Variants in NIN observed in about 807,000 individuals in gnomAD.
NIN encodes ninein, also known as glycogen synthase kinase 3 beta-interacting protein.
In NIN, 137 loss-of-function variants were observed where a neutral mutation model predicts 257.6. That is an observed-to-expected ratio of 0.53 (90% CI 0.46 to 0.61). The LOEUF is 0.61. Among genes scored for constraint, NIN ranks in the 20% least tolerant of loss-of-function variants. The pLI, the probability that NIN is intolerant of heterozygous loss-of-function variation, is 0.00. For missense variants in NIN, 2,439 were observed against 2,501.2 expected, an observed-to-expected ratio of 0.98 and a Z score of 0.53; for synonymous variants, 918 against 919.8, an observed-to-expected ratio of 1.00 and a Z score of 0.04.
At chr14:50,735,396 G>GGC in intron 28 of NIN, 120 bp downstream of exon 28, 1 of 1,360,658 alleles carries the variant, frequency 7.3e-7, no homozygotes, top group Admixed American at 2.8e-5. Flanking sequence ...AATTCAACTT[G>GGC]GCAGTGTACT....
rs749603359 is a variant in NIN at position 50,738,152 on chromosome 14, A to G, written c.5763T>C (p.Pro1921=). 190 of 1,613,964 alleles carry G rather than the reference A, an allele frequency of 1.2e-4. No individual in the cohort carries two copies. Among genetic ancestry groups the G allele is most frequent in the Non-Finnish European group, 1.6e-4 (188 of 1,179,994 alleles). ...CTCAAAAACTCACCTTCCTGTTAGCAGGAGATTGTTCTTTCTGAAACTGAT... is the reference window on the plus strand; with the variant it reads ...CTCAAAAACTCACCTTCCTGTTAGCGGGAGATTGTTCTTTCTGAAACTGAT... ...ECDQFQKEQS[P]ANRKVSQMNS... is the part of the protein sequence containing the mutation. The change falls in exon 27 of 31, where the codon CCT becomes CCC. Residue 1921 remains proline (P), a synonymous_variant. Transcript: ENST00000530997.
At chr14:50,829,204 C>A (rs1484137584) in intron 2 of NIN, among the ~76,000 whole-genome samples, 1 of 152,186 alleles carries the variant, frequency 6.6e-6, no homozygotes, top group Non-Finnish European at 1.5e-5. Flanking sequence ...GAGACCACAA[C>A]ACACAAACTC....
chr14:50,742,819 TAGAAGTCCTATCTATAA>T (rs1347175625), intron 24 of NIN, among the ~76,000 whole-genome samples: 2 of 152,210 alleles, frequency 1.3e-5, no homozygotes, highest in Non-Finnish European at 2.9e-5. Context: ...TAAACTGCCT[TAGAAGTCCTATCTATAA>T]ATTAGGAACA....
rs993491096 is a variant in NIN, at chr14:50,766,793, A to T, written c.1532T>A (p.Val511Glu). 4.3e-6 allele frequency: 7 copies of T among 1,611,214 alleles called. No homozygotes were observed. The African/African-American group carries it at 6.7e-5, about 15-fold the overall frequency. The change falls in exon 13 of 31, where the codon GTG (valine) becomes GAG (glutamate). Residue 511 changes from valine (V) to glutamate (E), a missense_variant. Coordinates refer to ENST00000530997, the MANE Select transcript of NIN (RefSeq NM_020921.4). ...GAACAGGTTTACCTTTTCTGCTAAC[A>T]CATTTTCCAAATTTCTCTGAAGTTT... is the stretch of plus-strand genomic sequence containing the variant. ...TNKLQRNLENVLAEKFGDLDP... is the reference protein window; with the variant it reads ...TNKLQRNLENELAEKFGDLDP...
chr14:50,773,196 G>A (rs1051870880), intron 7 of NIN, 101 bp from the exon 8 acceptor site: 1 of 809,426 alleles, frequency 1.2e-6, no homozygotes, highest in Non-Finnish European at 1.9e-6. Context: ...TTGGTCCCAG[G>A]ACTCCAGAAA....
At position 50,738,306 on chromosome 14, in the gene NIN, G is replaced by T; in HGVS notation, c.5629-20C>A. 6.2e-7 allele frequency: 1 copy of T among 1,603,784 alleles called. No individual in the cohort carries two copies. The highest frequency in any genetic ancestry group is 8.5e-7 in the Non-Finnish European group (1 of 1,176,164). On this transcript the variant is annotated intron_variant, in intron 26 of 30. Transcript: ENST00000530997. ...ACGGACCTAACAGGAACAAATGTAA[G>T]AGGAAAAAATGCTAATACAATCACC...
chr14:50,766,652 G>A, intron 13 of NIN, 128 bp downstream of exon 13: 1 of 687,788 alleles, frequency 1.5e-6, no homozygotes. Flanking sequence ...CCCTACAAAA[G>A]TTAGAGCACC....
intron 3 of NIN, among the ~76,000 whole-genome samples, chr14:50,811,882 T>C (rs1351972839): frequency 6.6e-6 from 1 of 151,658 alleles, no homozygotes; most frequent in Non-Finnish European, 1.5e-5. Flanking sequence ...TAGTCCCAGC[T>C]ACTCGGGAGG....
intron 28 of NIN, among the ~76,000 whole-genome samples, chr14:50,730,666 ACT>A (rs1361713000): frequency 2.0e-5 from 3 of 152,148 alleles, no homozygotes; most frequent in African/African-American, 7.2e-5. Flanking sequence ...TCAGAAAACC[ACT>A]TTGTTTTCAT....
intron 3 of NIN, among the ~76,000 whole-genome samples, chr14:50,814,373 G>A (rs1215081820): frequency 6.6e-6 from 1 of 152,020 alleles, no homozygotes; most frequent in Non-Finnish European, 1.5e-5. Flanking sequence ...TGTGTAGAGG[G>A]TAGGGGAAAG....
At chr14:50,812,508 AAGG>A (rs1336033987) in intron 3 of NIN, among the ~76,000 whole-genome samples, 1 of 152,092 alleles carries the variant, frequency 6.6e-6, no homozygotes, top group Admixed American at 6.5e-5. Context: ...CTCTGCCCTC[AAGG>A]AGTTTATCAG....
intron 21 of NIN, among the ~76,000 whole-genome samples, chr14:50,750,105 T>C (rs1242304591): frequency 6.6e-6 from 1 of 152,198 alleles, no homozygotes; most frequent in East Asian, 1.9e-4. Flanking sequence ...ACAGGCCCTT[T>C]TGACATGTCC....
In NIN at chr14:50,831,152, G is replaced by C. The variant is rs979345899; in HGVS notation, c.-222C>G. On this transcript the variant is annotated 5_prime_UTR_variant, in exon 1 of 31. Coordinates refer to ENST00000530997, the MANE Select transcript of NIN (RefSeq NM_020921.4). Reference sequence around the variant, plus strand: ...GCCACCCGGAGCTCTGGACGCCGGGGAGGAAGGGCCGGGCCCGCGCGGGGA... The same window carrying C: ...GCCACCCGGAGCTCTGGACGCCGGGCAGGAAGGGCCGGGCCCGCGCGGGGA... The C allele has an allele frequency of 2.0e-5, 3 of 150,484 alleles. No homozygotes were observed. Among genetic ancestry groups the C allele is most frequent in the Non-Finnish European group, 4.4e-5 (3 of 67,440 alleles). 9.3% of individuals were successfully genotyped at this position (150,484 alleles called of 1,614,324 possible). A position where few individuals can be genotyped will look rare whatever the true frequency, so the allele number is the denominator to read the frequency against.
chr14:50,741,281 T>A (rs939278529), intron 25 of NIN, among the ~76,000 whole-genome samples: 3 of 152,198 alleles, frequency 2.0e-5, no homozygotes, highest in Non-Finnish European at 1.5e-5. Context: ...AAAAAAGACC[T>A]GTTTTATATC....
chr14:50,743,554 T>A, intron 23 of NIN, 25 bp from the exon 24 acceptor site: 1 of 1,476,670 alleles, frequency 6.8e-7, no homozygotes, highest in Non-Finnish European at 9.5e-7. Context: ...GAAAAAGAGG[T>A]AAGAGGGCAT....
intron 3 of NIN, among the ~76,000 whole-genome samples, chr14:50,816,190 G>A (rs2044885229): frequency 6.7e-6 from 1 of 149,000 alleles, no homozygotes; most frequent in Non-Finnish European, 1.5e-5. Context: ...GGTGGGTGGG[G>A]AACAGCACAC....
chr14:50,750,563 T>C (rs2140679911), intron 21 of NIN, among the ~76,000 whole-genome samples: 1 of 136,558 alleles, frequency 7.3e-6, no homozygotes, highest in African/African-American at 2.8e-5. Context: ...TCATAGCATG[T>C]AGATACAGTT....
chr14:50,780,270 G>T (rs746334082), intron 5 of NIN, among the ~76,000 whole-genome samples: 2 of 152,266 alleles, frequency 1.3e-5, no homozygotes, highest in South Asian at 4.1e-4. Flanking sequence ...TTCCAAACGG[G>T]GCTGCTGTCA....
chr14:50,782,099 A>G (rs373377040), intron 5 of NIN, among the ~76,000 whole-genome samples: 1 of 152,118 alleles, frequency 6.6e-6, no homozygotes, highest in Non-Finnish European at 1.5e-5. Flanking sequence ...TTTTGTTCCT[A>G]TTAAATTAGC....
Sources: gnomAD v4.1 joint callset for allele counts (sites outside exome capture counted in the v4.1 genomes callset) on GRCh38, gnomAD v4.1.1 for gene constraint, MANE v1.5 for transcripts, NCBI Gene and HGNC (gene_info 2026-07-23, HGNC 2026-07-21) for gene names.